The following ZNF503 variants were observed in gnomAD, a reference collection of about 807,000 sequenced individuals.
The protein encoded by ZNF503 is zinc finger protein 503.
Under a neutral mutation model 34.4 loss-of-function variants are expected in ZNF503, and 15 were observed. The ratio of observed to expected loss-of-function variants is 0.44; its 90% CI spans 0.29 to 0.67. The LOEUF (loss-of-function observed/expected upper bound fraction) is 0.67, where lower values mean the gene tolerates loss of function less well. Ranked by LOEUF, ZNF503 falls within the 30% of genes least tolerant of loss-of-function variation. The pLI, the probability that ZNF503 is intolerant of heterozygous loss-of-function variation, is 0.13. For missense variants in ZNF503, 1,007 were observed against 926.8 expected (o/e 1.09, Z -1.12); for synonymous variants, 580 against 456.8 (o/e 1.27, Z -3.44).
the ZNF503 span, among the ~76,000 whole-genome samples, chr10:75,372,326 T>C: frequency 6.6e-6 from 1 of 152,178 alleles, no homozygotes; most frequent in Non-Finnish European, 1.5e-5. Context: ...CACAAGTCTC[T>C]TGGATTCAGA....
the ZNF503 span, among the ~76,000 whole-genome samples, chr10:75,371,872 T>C: frequency 2.6e-5 from 4 of 152,228 alleles, no homozygotes; most frequent in East Asian, 5.8e-4. Context: ...TGCCACTGTC[T>C]GCTCAACATG....
Position 75,398,774 on chromosome 10 carries a change from G to A in ZNF503, c.1916C>T (p.Thr639Ile). The A allele has an allele frequency of 1.4e-6, 2 of 1,428,044 alleles. No individual in the cohort carries two copies. Among genetic ancestry groups the A allele is most frequent in the Non-Finnish European group, 9.1e-7 (1 of 1,095,520 alleles). 88.5% of individuals were successfully genotyped at this position (1,428,044 alleles called of 1,614,324 possible). A position where few individuals can be genotyped will look rare whatever the true frequency, so the allele number is the denominator to read the frequency against. The part of the protein sequence containing the change: ...PYALYGQRLT[T>I]ASALGYQ ...TCACTGATACCCCAGCGCCGAGGCG[G>A]TGGTCAGTCTCTGTCCGTAGAGGGC... The change falls in exon 2 of 2, where the codon ACC becomes ATC. Residue 639 changes from threonine to isoleucine, a missense_variant. Physicochemically the swap from Thr to Ile is moderately conservative, Grantham distance 89. Coordinates refer to ENST00000372524, the MANE Select transcript of ZNF503 (RefSeq NM_032772.6).
chr10:75,317,516 A>C, the ZNF503 span, among the ~76,000 whole-genome samples: 3 of 144,580 alleles, frequency 2.1e-5, no homozygotes, highest in Admixed American at 2.1e-4. Context: ...TGATCTCTTG[A>C]CCTCGTGATC....
the ZNF503 span, chr10:75,382,679 T>A: frequency 2.9e-6 from 1 of 346,844 alleles, no homozygotes; most frequent in African/African-American, 2.3e-5. Flanking sequence ...TTCTGCTGGA[T>A]CAAAAGTGGT....
chr10:75,295,246 G>A, the ZNF503 span, among the ~76,000 whole-genome samples: 1 of 151,812 alleles, frequency 6.6e-6, no homozygotes, highest in African/African-American at 2.4e-5. The surrounding 1 kb of genome is among the most constrained non-coding windows in gnomAD (Gnocchi z 4.0). Flanking sequence ...GGAGGAGGCA[G>A]GGGCGCGCCC....
chr10:75,373,095 C>T, the ZNF503 span, among the ~76,000 whole-genome samples: 2 of 152,246 alleles, frequency 1.3e-5, no homozygotes, highest in East Asian at 1.9e-4. Context: ...AGCTCCGCCC[C>T]TCTTCAGGGT....
the ZNF503 span, among the ~76,000 whole-genome samples, chr10:75,386,205 C>A: frequency 6.6e-6 from 1 of 152,214 alleles, no homozygotes; most frequent in Non-Finnish European, 1.5e-5. Flanking sequence ...TTTGAAAGGA[C>A]ACTGTGCGCT....
the ZNF503 span, chr10:75,358,974 A>G: frequency 6.6e-6 from 1 of 152,252 alleles, no homozygotes; most frequent in South Asian, 2.1e-4. Flanking sequence ...CCCTGGGTGC[A>G]GCGGTCCTTC....
At chr10:75,317,753 C>T in the ZNF503 span, among the ~76,000 whole-genome samples, 58 of 152,048 alleles carry the variant, frequency 3.8e-4, no homozygotes, top group African/African-American at 1.2e-3. Flanking sequence ...CCCAGCACTT[C>T]GGGAGGCCGA....
the ZNF503 span, among the ~76,000 whole-genome samples, chr10:75,307,004 T>A: frequency 6.6e-6 from 1 of 151,998 alleles, no homozygotes; most frequent in Admixed American, 6.6e-5. Context: ...TTAGGCCAAT[T>A]CAAATTAGGC....
chr10:75,398,836 C>A lies in ZNF503; in HGVS notation c.1854G>T (p.Pro618=). 6.7e-7 allele frequency: 1 copy of A among 1,500,510 alleles called. No individual in the cohort carries two copies. The allele number at this position is 1,500,510 out of a possible 1,614,324, so 92.9% of individuals were successfully genotyped here. A position where few individuals can be genotyped will look rare whatever the true frequency, so the allele number is the denominator to read the frequency against. Residue 618 remains proline, a synonymous_variant, in exon 2 of 2, where the codon CCG becomes CCT. Coordinates refer to ENST00000372524, the MANE Select transcript of ZNF503 (RefSeq NM_032772.6). ...SPLPTPGAPV[P]VPAATGPYYS... Reference sequence around the variant, plus strand: ...AGTACGGTCCGGTGGCGGCGGGCACCGGCACGGGGGCGCCAGGCGTGGGAA... The same window carrying A: ...AGTACGGTCCGGTGGCGGCGGGCACAGGCACGGGGGCGCCAGGCGTGGGAA...
the ZNF503 span, among the ~76,000 whole-genome samples, chr10:75,333,483 A>G: frequency 1.9e-5 from 1 of 52,524 alleles, no homozygotes; most frequent in Non-Finnish European, 3.6e-5. Context: ...TCCCTCCCGG[A>G]CGGGGTGGCT....
At chr10:75,311,727 G>C in the ZNF503 span, among the ~76,000 whole-genome samples, 1 of 150,216 alleles carries the variant, frequency 6.7e-6, no homozygotes, top group African/African-American at 2.5e-5. Flanking sequence ...CTACTTGGGA[G>C]GCTGAGGCCT....
the ZNF503 span, among the ~76,000 whole-genome samples, chr10:75,309,759 A>G: frequency 6.6e-6 from 1 of 152,122 alleles, no homozygotes; most frequent in African/African-American, 2.4e-5. Flanking sequence ...AGAGATGACT[A>G]TATTTTTTAT....
chr10:75,281,538 G>T, the ZNF503 span, among the ~76,000 whole-genome samples: 2 of 152,172 alleles, frequency 1.3e-5, no homozygotes, highest in Non-Finnish European at 2.9e-5. Context: ...TACCACGACT[G>T]GGGGATGCTC....
chr10:75,383,234 G>A, the ZNF503 span, among the ~76,000 whole-genome samples: 5 of 152,126 alleles, frequency 3.3e-5, no homozygotes, highest in African/African-American at 1.2e-4. Context: ...CACACACCTT[G>A]CAGCCTCTTG....
At chr10:75,377,984 G>A in the ZNF503 span, among the ~76,000 whole-genome samples, 1 of 152,120 alleles carries the variant, frequency 6.6e-6, no homozygotes, top group Non-Finnish European at 1.5e-5. Flanking sequence ...GGCCAGAACA[G>A]GAGGAAGAGA....
the ZNF503 span, among the ~76,000 whole-genome samples, chr10:75,334,702 C>CA: frequency 6.6e-6 from 1 of 152,172 alleles, no homozygotes; most frequent in Non-Finnish European, 1.5e-5. Flanking sequence ...AGTCCCAGTG[C>CA]AAAGCTGGAG....
At chr10:75,362,458 C>T in the ZNF503 span, among the ~76,000 whole-genome samples, 1 of 152,156 alleles carries the variant, frequency 6.6e-6, no homozygotes, top group South Asian at 2.1e-4. Flanking sequence ...TCACCCCCAG[C>T]CCACACCAGA....
Sources: allele counts gnomAD v4.1 joint callset (sites outside exome capture counted in the v4.1 genomes callset), GRCh38; gene constraint gnomAD v4.1.1; non-coding constraint Gnocchi (gnomAD v3.1); transcripts MANE v1.5; gene names NCBI Gene and HGNC (gene_info 2026-07-23, HGNC 2026-07-21).